SORCS2: variants seen among roughly 807,000 people sequenced by gnomAD.
The protein encoded by SORCS2 is sortilin related VPS10 domain containing receptor 2, also known as VPS10 domain-containing receptor SorCS2.
In SORCS2, 100 loss-of-function variants were observed where a neutral mutation model predicts 141.6. The ratio of observed to expected loss-of-function variants is 0.71; its 90% CI spans 0.60 to 0.83. SORCS2 has a LOEUF of 0.83. Ranked by LOEUF, SORCS2 falls within the 40% of genes least tolerant of loss-of-function variation. SORCS2 has a pLI of 0.00. For synonymous variants in SORCS2, 789 were observed against 676.9 expected (o/e 1.17, Z -2.57); for missense variants, 1,646 against 1,560.2 (o/e 1.05, Z -0.93).
At chr4:7,305,482 C>T (rs1199263279) in intron 1 of SORCS2, among the ~76,000 whole-genome samples, 1 of 152,038 alleles carries the variant, frequency 6.6e-6, no homozygotes, top group African/African-American at 2.4e-5. Context: ...TCCCACATGG[C>T]GCTCAGCTCC....
intron 2 of SORCS2, among the ~76,000 whole-genome samples, chr4:7,407,097 C>T (rs957120406): frequency 1.3e-5 from 2 of 152,000 alleles, no homozygotes; most frequent in Non-Finnish European, 2.9e-5. Context: ...GTTTCGTGGC[C>T]TAAGATATGG....
At chr4:7,373,886 G>T (rs1722440009) in intron 1 of SORCS2, among the ~76,000 whole-genome samples, 3 of 152,042 alleles carry the variant, frequency 2.0e-5, no homozygotes, top group African/African-American at 7.2e-5. Context: ...AGCATCCTTA[G>T]AACTTAAGTT....
At chr4:7,615,014 T>C (rs757241966) in intron 3 of SORCS2, among the ~76,000 whole-genome samples, 5 of 151,382 alleles carry the variant, frequency 3.3e-5, no homozygotes, top group Non-Finnish European at 7.4e-5. Flanking sequence ...TTCATCTGCT[T>C]ATCCATTCAT....
intron 1 of SORCS2, chr4:7,381,967 G>A (rs564592897): frequency 1.9e-5 from 19 of 985,702 alleles, no homozygotes; most frequent in Admixed American, 6.1e-5. Flanking sequence ...GGCCAGGCCT[G>A]TGGAGTCTCC....
At chr4:7,345,611 C>T (rs1720609342) in intron 1 of SORCS2, among the ~76,000 whole-genome samples, 1 of 152,078 alleles carries the variant, frequency 6.6e-6, no homozygotes, top group Admixed American at 6.5e-5. Context: ...TAGGACCTCT[C>T]CAAACCTCCG....
chr4:7,398,020 C>G (rs1234207468), intron 2 of SORCS2, among the ~76,000 whole-genome samples: 3 of 152,234 alleles, frequency 2.0e-5, no homozygotes, highest in African/African-American at 7.2e-5. Flanking sequence ...ACTGCAGCCT[C>G]TCAGCATGGC....
At chr4:7,419,058 G>A (rs4292336) in intron 2 of SORCS2, among the ~76,000 whole-genome samples, 126,303 of 152,290 alleles carry the variant, frequency 0.83, 52,433 homozygotes, top group South Asian at 0.85. Context: ...AATCTCATTG[G>A]CCAAAGCAAA....
chr4:7,290,374 A>G (rs1270682417), intron 1 of SORCS2, among the ~76,000 whole-genome samples: 1 of 152,074 alleles, frequency 6.6e-6, no homozygotes, highest in East Asian at 1.9e-4. Flanking sequence ...AAAAACACAG[A>G]TGCTCCCACG....
intron 1 of SORCS2, among the ~76,000 whole-genome samples, chr4:7,277,768 G>A (rs574609816): frequency 1.3e-5 from 2 of 152,252 alleles, no homozygotes; most frequent in African/African-American, 2.4e-5. Context: ...CCTGCCTACC[G>A]TGCCCGTCCT....
chr4:7,519,915 G>A (rs535980073), intron 2 of SORCS2, among the ~76,000 whole-genome samples: 1 of 152,226 alleles, frequency 6.6e-6, no homozygotes, highest in Non-Finnish European at 1.5e-5. Flanking sequence ...TTAAGCAGGC[G>A]GGGCAGGGAG....
intron 2 of SORCS2, chr4:7,435,074 C>G (rs1305870543): frequency 4.9e-6 from 3 of 611,682 alleles, no homozygotes; most frequent in Non-Finnish European, 8.4e-6. Flanking sequence ...GAACACTATC[C>G]CTCCCCTCTT....
At chr4:7,472,706 G>T (rs576771467) in intron 2 of SORCS2, among the ~76,000 whole-genome samples, 1 of 152,118 alleles carries the variant, frequency 6.6e-6, no homozygotes, top group Admixed American at 6.5e-5. Context: ...GTCACATCCC[G>T]CTGGCCCCAT....
chr4:7,354,205 C>T (rs1194706856), intron 1 of SORCS2, among the ~76,000 whole-genome samples: 1 of 152,182 alleles, frequency 6.6e-6, no homozygotes, highest in Non-Finnish European at 1.5e-5. Flanking sequence ...TCCAGCATCT[C>T]TCGGGGAAAG....
intron 1 of SORCS2, among the ~76,000 whole-genome samples, chr4:7,366,751 G>A (rs1721923035): frequency 6.6e-6 from 1 of 151,984 alleles, no homozygotes; most frequent in Non-Finnish European, 1.5e-5. Flanking sequence ...CACCACATGT[G>A]TTTCATGTCT....
intron 3 of SORCS2, among the ~76,000 whole-genome samples, chr4:7,573,737 T>C (rs1165174685): frequency 6.6e-6 from 1 of 152,180 alleles, no homozygotes; most frequent in African/African-American, 2.4e-5. Context: ...ACACAGCACA[T>C]AGGACTAGGG....
intron 8 of SORCS2, among the ~76,000 whole-genome samples, chr4:7,667,422 T>C (rs1050091836): frequency 8.5e-5 from 13 of 152,192 alleles, no homozygotes; most frequent in African/African-American, 3.1e-4. Flanking sequence ...CCCAGCTTCA[T>C]CCTAGGCCTC....
chr4:7,714,252 A>C lies in SORCS2; in HGVS notation c.2002A>C (p.Ile668Leu). Residue 668 changes from isoleucine to leucine, a missense_variant, in exon 16 of 27, where the codon ATC (isoleucine) becomes CTC (leucine). By Grantham distance (5) the Ile-to-Leu change is conservative. Coordinates refer to ENST00000507866, the MANE Select transcript of SORCS2 (RefSeq NM_020777.3). The part of the protein sequence containing the change: ...ELSNLQGDRC[I>L]MGQQRSFRKR... ...GTTCCTGCTGCAGGGCGACCGCTGT[A>C]TCATGGGCCAGCAGAGAAGTTTCCG... The C allele has an allele frequency of 1.2e-6, 2 of 1,611,124 alleles. No homozygotes were observed. The highest frequency in any genetic ancestry group is 1.7e-6 in the Non-Finnish European group (2 of 1,178,864).
rs561440529 is a variant in SORCS2 at position 7,466,254 on chromosome 4, G to C, written c.549-65276G>C. Among the ~76,000 whole-genome samples the C allele has an allele frequency of 3.9e-5, 6 of 152,146 alleles. No individual in the cohort carries two copies. The South Asian group carries it at 1.2e-3, about 32-fold the overall frequency. The stretch of plus-strand genomic sequence containing the variant: ...GTTCACGCCCCTGCAGTCAATCAGG[G>C]GCCCAGGCTCCTGCCTCCTTGTGGC... On this transcript the variant is annotated intron_variant, in intron 2 of 26. Transcript: ENST00000507866.
At chr4:7,379,677 G>T (rs1722869276) in intron 1 of SORCS2, among the ~76,000 whole-genome samples, 1 of 152,168 alleles carries the variant, frequency 6.6e-6, no homozygotes, top group African/African-American at 2.4e-5. Flanking sequence ...AAATGAAGGA[G>T]AACCTTCCAG....
Sources: gnomAD v4.1 joint callset for allele counts (sites outside exome capture counted in the v4.1 genomes callset) on GRCh38, gnomAD v4.1.1 for gene constraint, MANE v1.5 for transcripts, NCBI Gene and HGNC (gene_info 2026-07-23, HGNC 2026-07-21) for gene names.